Variants in DCLK2 observed in about 807,000 individuals in gnomAD.
DCLK2 encodes serine/threonine-protein kinase DCLK2.
A neutral mutation model predicts 78.4 loss-of-function variants in DCLK2; 31 were observed. That is an observed-to-expected ratio of 0.40 (90% CI 0.30 to 0.53). DCLK2 has a LOEUF of 0.53. Ranked by LOEUF, DCLK2 falls within the 20% of genes least tolerant of loss-of-function variation. The pLI, the probability that DCLK2 is intolerant of heterozygous loss-of-function variation, is 0.61. For missense variants in DCLK2, 872 were observed against 973.7 expected (o/e 0.90, Z 1.39); for synonymous variants, 407 against 374.9 (o/e 1.09, Z -0.99).
intron 2 of DCLK2, among the ~76,000 whole-genome samples, chr4:150,184,205 A>G (rs200419020): frequency 1.3e-5 from 2 of 152,206 alleles, no homozygotes; most frequent in East Asian, 3.8e-4. Context: ...GATAACATCT[A>G]TCTTGAGTGA....
At chr4:150,201,014 C>T (rs182383496) in intron 4 of DCLK2, among the ~76,000 whole-genome samples, 28 of 152,208 alleles carry the variant, frequency 1.8e-4, no homozygotes, top group Admixed American at 1.0e-3. Flanking sequence ...GACGAGGTTT[C>T]GCCATGTTGG....
intron 1 of DCLK2, among the ~76,000 whole-genome samples, chr4:150,083,926 C>G (rs753558968): frequency 5.9e-5 from 9 of 152,044 alleles, no homozygotes; most frequent in Non-Finnish European, 1.3e-4. Context: ...CCTATGGTCT[C>G]TTCCTTCAAA....
At chr4:150,208,073 T>C (rs1739978040) in intron 5 of DCLK2, among the ~76,000 whole-genome samples, 1 of 152,076 alleles carries the variant, frequency 6.6e-6, no homozygotes. Flanking sequence ...GCTGGGGTGA[T>C]CTGACATCAG....
At chr4:150,243,054 T>C (rs1036760587) in intron 12 of DCLK2, among the ~76,000 whole-genome samples, 10 of 152,200 alleles carry the variant, frequency 6.6e-5, no homozygotes, top group Non-Finnish European at 1.3e-4. Flanking sequence ...GACTGTGTGC[T>C]CACAACTCCC....
intron 5 of DCLK2, among the ~76,000 whole-genome samples, chr4:150,214,123 T>C (rs1351152706): frequency 2.0e-5 from 3 of 152,210 alleles, no homozygotes; most frequent in Non-Finnish European, 4.4e-5. Flanking sequence ...CAAGATTGTT[T>C]GGCTATAGAT....
chr4:150,125,585 T>C (rs748680848), intron 2 of DCLK2, among the ~76,000 whole-genome samples: 2 of 152,120 alleles, frequency 1.3e-5, no homozygotes, highest in African/African-American at 2.4e-5. Flanking sequence ...AAAATGACTA[T>C]CTAAAAATAG....
intron 15 of DCLK2, chr4:150,253,121 C>A: frequency 2.2e-6 from 1 of 454,492 alleles, no homozygotes. Context: ...CCTCATCCTC[C>A]TCATCCTCCT....
intron 12 of DCLK2, among the ~76,000 whole-genome samples, chr4:150,246,304 C>T (rs1377336624): frequency 6.6e-6 from 1 of 152,190 alleles, no homozygotes; most frequent in Non-Finnish European, 1.5e-5. Flanking sequence ...ACCTTGGCCT[C>T]CCAGAGTGTT....
At chr4:150,199,875 A>G (rs753932028) in intron 4 of DCLK2, among the ~76,000 whole-genome samples, 2 of 152,174 alleles carry the variant, frequency 1.3e-5, no homozygotes, top group Non-Finnish European at 2.9e-5. Context: ...GCACGGAGGT[A>G]CCACCTGTGG....
At chr4:150,177,765 A>G (rs973803809) in intron 2 of DCLK2, among the ~76,000 whole-genome samples, 6 of 152,248 alleles carry the variant, frequency 3.9e-5, no homozygotes, top group Non-Finnish European at 8.8e-5. Context: ...GACATAACTT[A>G]CATAAAAGTT....
chr4:150,195,380 AAT>A lies in DCLK2; in HGVS notation c.859+2149_859+2150del, dbSNP rs369599169. Among the ~76,000 whole-genome samples, 2 of 2,820 alleles carry A rather than the reference AAT, an allele frequency of 7.1e-4. 1 individual carries two copies. The highest frequency in any genetic ancestry group is 2.6e-3 in the Non-Finnish European group (2 of 766). 1.9% of individuals were successfully genotyped at this position (2,820 alleles called of 152,430 possible). Reference sequence around the variant, plus strand: ...TTATATATATTATATAATATTATATAATATATATATTATATAATATTATATAT... The same window carrying A: ...TTATATATATTATATAATATTATATAATATATATTATATAATATTATATAT... On this transcript the variant is annotated intron_variant, in intron 3 of 15. Coordinates refer to ENST00000296550, the MANE Select transcript of DCLK2 (RefSeq NM_001040260.4).
chr4:150,235,442 CAG>C (rs1456827120), intron 10 of DCLK2, among the ~76,000 whole-genome samples: 2 of 152,152 alleles, frequency 1.3e-5, no homozygotes, highest in South Asian at 4.1e-4. Context: ...ATCAGGAAAT[CAG>C]AGTCACACTC....
intron 15 of DCLK2, among the ~76,000 whole-genome samples, chr4:150,254,203 A>G (rs754533240): frequency 3.3e-5 from 5 of 152,262 alleles, no homozygotes; most frequent in Non-Finnish European, 7.3e-5. Flanking sequence ...CCTGCGGTGC[A>G]GACTTGAGAA....
At chr4:150,252,736 C>T (rs1744268127) in intron 15 of DCLK2, among the ~76,000 whole-genome samples, 1 of 152,216 alleles carries the variant, frequency 6.6e-6, no homozygotes, top group Admixed American at 6.5e-5. Flanking sequence ...GTTTGCAGCT[C>T]TGATGGTGAT....
intron 2 of DCLK2, among the ~76,000 whole-genome samples, chr4:150,146,975 C>T (rs940259937): frequency 5.9e-5 from 9 of 151,672 alleles, no homozygotes; most frequent in Non-Finnish European, 1.0e-4. Context: ...ATAGAGTTTT[C>T]TGAGGGTCAA....
chr4:150,103,121 G>A lies in DCLK2; in HGVS notation c.756+309G>A, dbSNP rs138327274. On this transcript the variant is annotated intron_variant, in intron 2 of 15. Coordinates refer to ENST00000296550, the MANE Select transcript of DCLK2 (RefSeq NM_001040260.4). ...AGTATAAGTTGAGGAGACATCCTAC[G>A]TTAAATGGCATGTCATCTATTTATG... is the stretch of plus-strand genomic sequence containing the variant. Among the ~76,000 whole-genome samples, 457 of 152,164 alleles carry A rather than the reference G, an allele frequency of 3.0e-3. 4 individuals are homozygous for A. The highest frequency in any genetic ancestry group is 0.01 in the African/African-American group (433 of 41,526).
chr4:150,103,952 C>A (rs1290624910), intron 2 of DCLK2, among the ~76,000 whole-genome samples: 1 of 151,942 alleles, frequency 6.6e-6, no homozygotes, highest in Non-Finnish European at 1.5e-5. Flanking sequence ...CACAGTACAA[C>A]ACAAAACACC....
At chr4:150,097,003 C>T (rs1580492149) in intron 1 of DCLK2, among the ~76,000 whole-genome samples, 1 of 151,994 alleles carries the variant, frequency 6.6e-6, no homozygotes, top group East Asian at 1.9e-4. Flanking sequence ...TCTGAAACCT[C>T]AGCATGGGAG....
At chr4:150,113,487 G>A (rs4616733) in intron 2 of DCLK2, among the ~76,000 whole-genome samples, 58,033 of 151,930 alleles carry the variant, frequency 0.38, 11,314 homozygotes, top group Non-Finnish European at 0.42. Flanking sequence ...GTAGGGTTGT[G>A]TGTTTCCAGG....
Sources: allele counts gnomAD v4.1 joint callset (sites outside exome capture counted in the v4.1 genomes callset), GRCh38; gene constraint gnomAD v4.1.1; transcripts MANE v1.5; gene names NCBI Gene and HGNC (gene_info 2026-07-23, HGNC 2026-07-21).